Variants in BLTP1 observed in about 807,000 individuals in gnomAD.
The protein encoded by BLTP1 is bridge-like lipid transfer protein family member 1.
At chr4:122,316,283 C>G in the BLTP1 span, 1 of 403,896 alleles carries the variant, frequency 2.5e-6, no homozygotes, top group Non-Finnish European at 5.1e-6. Flanking sequence ...AACTATTATA[C>G]CATGAAATAG....
At chr4:122,299,089 TTTAA>T in the BLTP1 span, 248,882 of 984,088 alleles carry the variant, frequency 0.25, 32,250 homozygotes, top group African/African-American at 0.31. Context: ...TTAAGAATTA[TTTAA>T]TTAGGGAAAT....
the BLTP1 span, among the ~76,000 whole-genome samples, chr4:122,321,979 ATTTTTTTTTTTTTTTTTTTTT>A: frequency 7.4e-5 from 2 of 27,020 alleles, no homozygotes; most frequent in Admixed American, 5.3e-4. Flanking sequence ...ACTACATGTA[ATTTTTTTTTTTTTTTTTTTTT>A]TTTTTTTTTT....
chr4:122,263,311 A>G, the BLTP1 span: 2 of 1,418,434 alleles, frequency 1.4e-6, no homozygotes, highest in East Asian at 2.6e-5. Flanking sequence ...TACCAACATT[A>G]TGCAGTGAGA....
At chr4:122,339,162 CT>C in the BLTP1 span, 1 of 1,575,282 alleles carries the variant, frequency 6.3e-7, no homozygotes, top group African/African-American at 1.4e-5. Context: ...TAAAACTTTT[CT>C]TTTATCCAGT....
At chr4:122,281,235 G>C in the BLTP1 span, 1 of 877,330 alleles carries the variant, frequency 1.1e-6, no homozygotes. Flanking sequence ...ATAGTTAAGT[G>C]ATAGAATTTG....
chr4:122,289,412 C>G, the BLTP1 span: 2 of 784,896 alleles, frequency 2.5e-6, no homozygotes, highest in Non-Finnish European at 3.1e-6. Flanking sequence ...TCATAAACTT[C>G]AGAAAGCTCC....
At chr4:122,174,607 T>C in the BLTP1 span, 1 of 1,609,162 alleles carries the variant, frequency 6.2e-7, no homozygotes, top group South Asian at 1.1e-5. Context: ...TCTGGAAAAG[T>C]CATGGTTCGT....
the BLTP1 span, among the ~76,000 whole-genome samples, chr4:122,307,043 A>G: frequency 6.6e-6 from 1 of 151,358 alleles, no homozygotes; most frequent in African/African-American, 2.4e-5. Context: ...CCTTGACACA[A>G]AACAGGTTGA....
chr4:122,185,399 C>T, the BLTP1 span: 1 of 985,316 alleles, frequency 1.0e-6, no homozygotes, highest in Non-Finnish European at 1.2e-6. Flanking sequence ...TTCTGTGGCT[C>T]TCTTTGGTTG....
the BLTP1 span, chr4:122,184,896 A>T: frequency 7.1e-6 from 7 of 984,592 alleles, no homozygotes; most frequent in Non-Finnish European, 8.4e-6. Flanking sequence ...CCAGACATGA[A>T]ATCTGCCCCT....
the BLTP1 span, among the ~76,000 whole-genome samples, chr4:122,168,348 A>C: frequency 6.6e-6 from 1 of 152,178 alleles, no homozygotes. Flanking sequence ...ATTTGATTAG[A>C]AACAGATTTC....
chr4:122,341,643 T>C, the BLTP1 span: 1 of 963,298 alleles, frequency 1.0e-6, no homozygotes, highest in Non-Finnish European at 1.2e-6. Flanking sequence ...CATTTTATCA[T>C]TATTTATTCA....
At chr4:122,209,443 G>C in the BLTP1 span, 2 of 1,124,904 alleles carry the variant, frequency 1.8e-6, no homozygotes, top group East Asian at 2.7e-5. Context: ...TCAGGAGTTC[G>C]AGACCAGCCT....
chr4:122,336,460 T>C, the BLTP1 span: 1 of 790,850 alleles, frequency 1.3e-6, no homozygotes, highest in Non-Finnish European at 1.8e-6. Context: ...TATGCAATTA[T>C]AAATGTTAAA....
chr4:122,216,493 A>G, the BLTP1 span, among the ~76,000 whole-genome samples: 1 of 151,996 alleles, frequency 6.6e-6, no homozygotes, highest in African/African-American at 2.4e-5. Flanking sequence ...TGCGGTTTTG[A>G]TTGCATTTCC....
chr4:122,328,893 C>G, the BLTP1 span: 1 of 295,012 alleles, frequency 3.4e-6, no homozygotes, highest in Non-Finnish European at 5.0e-6. Flanking sequence ...TCTATTTAAA[C>G]CGCCCTCAAG....
the BLTP1 span, among the ~76,000 whole-genome samples, chr4:122,157,360 T>A: frequency 6.6e-6 from 1 of 152,054 alleles, no homozygotes; most frequent in East Asian, 1.9e-4. Flanking sequence ...TCCTCAACCT[T>A]TTTGGCACTA....
At chr4:122,232,013 G>A in the BLTP1 span, 1 of 957,854 alleles carries the variant, frequency 1.0e-6, no homozygotes, top group East Asian at 1.2e-4. Flanking sequence ...CACTTAGTGT[G>A]AACCAAATGC....
At chr4:122,262,186 G>GTGTGTGTGTA in the BLTP1 span, among the ~76,000 whole-genome samples, 3 of 149,980 alleles carry the variant, frequency 2.0e-5, no homozygotes, top group Non-Finnish European at 4.4e-5. Context: ...GTGTGTGTGT[G>GTGTGTGTGTA]TATAGTAAGT....
Sources: gnomAD v4.1 joint callset for allele counts (sites outside exome capture counted in the v4.1 genomes callset) on GRCh38, gnomAD v4.1.1 for gene constraint, MANE v1.5 for transcripts, NCBI Gene and HGNC (gene_info 2026-07-23, HGNC 2026-07-21) for gene names.